The following CHL1 variants were observed in gnomAD, a reference collection of about 807,000 sequenced individuals.
The protein encoded by CHL1 is neural cell adhesion molecule L1-like protein.
Under a neutral mutation model 141.9 loss-of-function variants are expected in CHL1, and 96 were observed. The observed-to-expected ratio is 0.68, with a 90% CI of 0.57 to 0.80. CHL1 has a LOEUF of 0.80. CHL1 is among the 30% of genes least tolerant of loss of function. CHL1 has a pLI of 0.00. For synonymous variants in CHL1, 613 were observed against 502.2 expected (o/e 1.22, Z -2.95); for missense variants, 1,820 against 1,457.2 (o/e 1.25, Z -4.05).
chr3:292,754 C>T (rs769727999), intron 2 of CHL1, among the ~76,000 whole-genome samples: 4 of 152,118 alleles, frequency 2.6e-5, no homozygotes, highest in Admixed American at 6.5e-5. Context: ...GAAGCAGGCA[C>T]GTCACATGGC....
At chr3:257,552 C>T (rs1452699629) in intron 2 of CHL1, among the ~76,000 whole-genome samples, 7 of 152,024 alleles carry the variant, frequency 4.6e-5, no homozygotes, top group Non-Finnish European at 1.0e-4. Flanking sequence ...GGGGTTTCAC[C>T]ATGCTGACCA....
intron 1 of CHL1, among the ~76,000 whole-genome samples, chr3:231,000 C>T (rs1459371342): frequency 6.6e-6 from 1 of 152,108 alleles, no homozygotes; most frequent in Non-Finnish European, 1.5e-5. Context: ...GTTTGTGATC[C>T]TAATGGGGTT....
chr3:213,554 G>A (rs1700063907), intron 1 of CHL1: 1 of 152,170 alleles, frequency 6.6e-6, no homozygotes, highest in South Asian at 2.1e-4. Flanking sequence ...CTGAGGTCTG[G>A]AACTCTCAAA....
intron 10 of CHL1, among the ~76,000 whole-genome samples, chr3:351,922 T>C (rs141061663): frequency 6.6e-6 from 1 of 151,242 alleles, no homozygotes; most frequent in Non-Finnish European, 1.5e-5. Flanking sequence ...AAAAGAGATA[T>C]ATTATAGTGA....
intron 19 of CHL1, among the ~76,000 whole-genome samples, chr3:387,616 A>G (rs1707860275): frequency 6.6e-6 from 1 of 152,230 alleles, no homozygotes; most frequent in Non-Finnish European, 1.5e-5. Flanking sequence ...AAAATGAATA[A>G]TATTATTTGC....
intron 2 of CHL1, among the ~76,000 whole-genome samples, chr3:256,098 T>G (rs1694133050): frequency 6.6e-6 from 1 of 152,224 alleles, no homozygotes; most frequent in Non-Finnish European, 1.5e-5. Context: ...TGAGTTCTGC[T>G]TAGAGCTAAA....
chr3:260,620 A>G (rs1266660568), intron 2 of CHL1, among the ~76,000 whole-genome samples: 2 of 152,152 alleles, frequency 1.3e-5, no homozygotes, highest in Non-Finnish European at 2.9e-5. Flanking sequence ...CTTACCAAAC[A>G]AGACCCAGGT....
chr3:322,646 A>T (rs1340818510), intron 3 of CHL1, among the ~76,000 whole-genome samples: 1 of 27,252 alleles, frequency 3.7e-5, no homozygotes, highest in Non-Finnish European at 6.4e-5. Context: ...TATATATAAA[A>T]TATATATATA....
intron 5 of CHL1, among the ~76,000 whole-genome samples, chr3:333,577 A>G (rs1477315177): frequency 1.3e-5 from 2 of 152,186 alleles, no homozygotes. Flanking sequence ...CTATTTAACT[A>G]AATGTATTAT....
intron 1 of CHL1, among the ~76,000 whole-genome samples, chr3:215,128 A>T (rs331867): frequency 0.95 from 144,465 of 152,274 alleles, 68,841 homozygotes; most frequent in East Asian, 1. Flanking sequence ...TGTTGATTGC[A>T]GCATTATTTA....
intron 4 of CHL1, among the ~76,000 whole-genome samples, chr3:327,402 G>A (rs963432288): frequency 1.6e-4 from 22 of 137,224 alleles, no homozygotes; most frequent in African/African-American, 5.1e-4. Flanking sequence ...AGCATACTGG[G>A]GTGGGAATTT....
intron 25 of CHL1, 57 bp downstream of exon 25, chr3:398,442 C>G (rs532921147): frequency 9.0e-7 from 1 of 1,112,388 alleles, no homozygotes; most frequent in Non-Finnish European, 1.3e-6. Context: ...CTGTAGAATA[C>G]TTAGTGTTGC....
chr3:325,836 T>G, intron 3 of CHL1, 123 bp from the exon 4 acceptor site: 1 of 564,458 alleles, frequency 1.8e-6, no homozygotes. Context: ...TTATTCTGAT[T>G]TTCACTTTTG....
Position 360,354 on chromosome 3 carries a change from T to C in CHL1, c.1236T>C (p.Thr412=), listed in dbSNP as rs1159786835. ...TTACCAACCTTCAACCAAATCATAC[T>C]GCTGTGTACCAGTGTGAAGCCTCAA... is the stretch of plus-strand genomic sequence containing the variant. ...ISFTNLQPNH[T]AVYQCEASNV... is the part of the protein sequence containing the mutation. Residue 412 remains threonine (T), a synonymous_variant, in exon 12 of 28, where the codon ACT becomes ACC. Coordinates refer to ENST00000256509, the MANE Select transcript of CHL1 (RefSeq NM_006614.4). 4 of 1,613,734 alleles carry C rather than the reference T, an allele frequency of 2.5e-6. No individual in the cohort carries two copies. Among genetic ancestry groups the C allele is most frequent in the Non-Finnish European group, 3.4e-6 (4 of 1,179,810 alleles).
intron 1 of CHL1, among the ~76,000 whole-genome samples, chr3:228,668 T>G (rs1425119042): frequency 3.3e-5 from 5 of 152,206 alleles, no homozygotes; most frequent in Admixed American, 3.3e-4. Context: ...TTATAATGGC[T>G]CATTAACCCC....
chr3:402,194 G>C (rs74375910), intron 27 of CHL1, among the ~76,000 whole-genome samples: 26 of 152,176 alleles, frequency 1.7e-4, no homozygotes, highest in Non-Finnish European at 7.3e-5. Flanking sequence ...GAGAGTAACT[G>C]TTTCTGCCCA....
rs146109266 is a variant in CHL1 at position 277,251 on chromosome 3, G to A, written c.-95+32559G>A. Among the ~76,000 whole-genome samples, 5 of 152,116 alleles carry A rather than the reference G, an allele frequency of 3.3e-5. No individual in the cohort carries two copies. The East Asian group carries it at 9.7e-4, about 29-fold the overall frequency. ...AAACTAAAGGATATTATTTGATAAA[G>A]TGCTAAGATGTTCTCAGTGCTAGAA... On this transcript the variant is annotated intron_variant, in intron 2 of 27. Coordinates refer to ENST00000256509, the MANE Select transcript of CHL1 (RefSeq NM_006614.4).
intron 9 of CHL1, 139 bp from the exon 10 acceptor site, chr3:349,220 A>G: frequency 1.5e-6 from 1 of 683,262 alleles, no homozygotes. Context: ...GTGTCTGTCC[A>G]CTGGTAAGGA....
chr3:204,021 C>G (rs1699189098), intron 1 of CHL1, among the ~76,000 whole-genome samples: 1 of 152,236 alleles, frequency 6.6e-6, no homozygotes, highest in African/African-American at 2.4e-5. Context: ...GAATCTTCAC[C>G]ACTTTTTCTT....
Sources: allele counts gnomAD v4.1 joint callset (sites outside exome capture counted in the v4.1 genomes callset), GRCh38; gene constraint gnomAD v4.1.1; transcripts MANE v1.5; gene names NCBI Gene and HGNC (gene_info 2026-07-23, HGNC 2026-07-21).